Variants in AGMO observed in about 807,000 individuals in gnomAD.
The protein encoded by AGMO is glyceryl-ether monooxygenase.
Under a neutral mutation model 60.2 loss-of-function variants are expected in AGMO, and 75 were observed. The observed-to-expected ratio is 1.25, with a 90% CI of 1.03 to 1.51. The LOEUF is 1.51. Ranked by LOEUF, AGMO falls within the 40% of genes most tolerant of loss-of-function variation. The pLI, the probability that AGMO is intolerant of heterozygous loss-of-function variation, is 0.00. For synonymous variants in AGMO, 261 were observed against 177.1 expected (o/e 1.47, Z -3.76); for missense variants, 763 against 525.5 (o/e 1.45, Z -4.42).
chr7:15,267,528 C>A (rs915353835), intron 12 of AGMO, among the ~76,000 whole-genome samples: 1 of 151,934 alleles, frequency 6.6e-6, no homozygotes, highest in Non-Finnish European at 1.5e-5. Flanking sequence ...CTTATGTTCA[C>A]GACAGTCATT....
chr7:15,409,011 G>A (rs1784773228), intron 5 of AGMO, among the ~76,000 whole-genome samples: 2 of 151,726 alleles, frequency 1.3e-5, no homozygotes, highest in Non-Finnish European at 3.0e-5. Context: ...ATGAATTTGA[G>A]AAATGGAAAA....
chr7:15,482,523 C>A (rs1782786108), intron 3 of AGMO, among the ~76,000 whole-genome samples: 1 of 152,016 alleles, frequency 6.6e-6, no homozygotes, highest in African/African-American at 2.4e-5. Context: ...CAGCCCCATA[C>A]TAAATACCCA....
In AGMO at chr7:15,292,402, C is replaced by T. The variant is rs139264590; in HGVS notation, c.1263+73112G>A. On this transcript the variant is annotated intron_variant, in intron 12 of 12. Transcript: ENST00000342526. The stretch of plus-strand genomic sequence containing the variant: ...CGGTTCTAGTGGGCTGAATGGCTGA[C>T]GCGTTTGGGTGATAAGAGCAAGGAA... Among the ~76,000 whole-genome samples, 18 of 152,172 alleles carry T rather than the reference C, an allele frequency of 1.2e-4. No individual in the cohort carries two copies. In the East Asian group the frequency reaches 1.7e-3, roughly 15 times the overall value.
intron 12 of AGMO, among the ~76,000 whole-genome samples, chr7:15,316,155 T>C (rs568989922): frequency 1.7e-4 from 26 of 152,274 alleles, no homozygotes; most frequent in East Asian, 9.7e-4. Flanking sequence ...CATCTTGGTA[T>C]TGGAGTTGCC....
At chr7:15,334,520 TTTC>T (rs1322847667) in intron 12 of AGMO, among the ~76,000 whole-genome samples, 7 of 152,142 alleles carry the variant, frequency 4.6e-5, no homozygotes, top group African/African-American at 1.7e-4. Flanking sequence ...CAGTAGATTA[TTTC>T]TTCATCAGAA....
chr7:15,513,377 T>C (rs979269426), intron 3 of AGMO, among the ~76,000 whole-genome samples: 1 of 152,232 alleles, frequency 6.6e-6, no homozygotes, highest in Non-Finnish European at 1.5e-5. Context: ...ATTTACAAAC[T>C]CTCTGAGGCT....
At position 15,466,202 on chromosome 7, in the gene AGMO, T is replaced by C. The variant is rs115335316; in HGVS notation, c.410-35094A>G. The stretch of plus-strand genomic sequence containing the variant: ...TTTACTGGGTGCATATCCTTTAATA[T>C]TCATAACAGCTCTATCTTTATTCTG... On this transcript the variant is annotated intron_variant, in intron 3 of 12. Coordinates refer to ENST00000342526, the MANE Select transcript of AGMO (RefSeq NM_001004320.2). Among the ~76,000 whole-genome samples, 734 of 152,276 alleles carry C rather than the reference T, an allele frequency of 4.8e-3. 4 individuals carry two copies. Among genetic ancestry groups the C allele is most frequent in the African/African-American group, 0.017 (709 of 41,568 alleles).
chr7:15,286,930 T>A (rs958319254), intron 12 of AGMO, among the ~76,000 whole-genome samples: 1 of 152,044 alleles, frequency 6.6e-6, no homozygotes. Context: ...GGCAGCAACT[T>A]GGATGGAGCT....
At chr7:15,336,993 C>A in intron 12 of AGMO, among the ~76,000 whole-genome samples, 1 of 152,128 alleles carries the variant, frequency 6.6e-6, no homozygotes, top group East Asian at 1.9e-4. Context: ...CAGTGCCCTC[C>A]CTGGGGGCAC....
chr7:15,521,789 A>G (rs1396762519), intron 3 of AGMO, among the ~76,000 whole-genome samples: 1 of 152,224 alleles, frequency 6.6e-6, no homozygotes, highest in East Asian at 1.9e-4. Flanking sequence ...AACTGGCACA[A>G]GACAAAGATG....
At chr7:15,293,114 A>C (rs188379092) in intron 12 of AGMO, among the ~76,000 whole-genome samples, 75 of 152,214 alleles carry the variant, frequency 4.9e-4, no homozygotes, top group African/African-American at 1.7e-3. Flanking sequence ...ACAAACAATC[A>C]CATATTCATT....
At chr7:15,376,448 G>C (rs926100232) in intron 10 of AGMO, among the ~76,000 whole-genome samples, 1 of 151,890 alleles carries the variant, frequency 6.6e-6, no homozygotes, top group Non-Finnish European at 1.5e-5. Flanking sequence ...CAAAATTGTA[G>C]TGCCCATAAT....
chr7:15,441,071 G>C (rs73682004), intron 3 of AGMO, among the ~76,000 whole-genome samples: 1,797 of 152,274 alleles, frequency 0.012, 38 homozygotes, highest in African/African-American at 0.041. Context: ...TGCATAAAGA[G>C]CTTTTCCTCC....
At chr7:15,381,321 C>G (rs1368921202) in intron 10 of AGMO, among the ~76,000 whole-genome samples, 3 of 151,900 alleles carry the variant, frequency 2.0e-5, no homozygotes, top group African/African-American at 7.3e-5. Context: ...GGAACTTAAA[C>G]ACATTTACAA....
At chr7:15,320,313 G>A (rs895366505) in intron 12 of AGMO, among the ~76,000 whole-genome samples, 4 of 151,510 alleles carry the variant, frequency 2.6e-5, no homozygotes, top group African/African-American at 7.3e-5. Flanking sequence ...GTATCCTAAT[G>A]CAACTGAAGA....
the AGMO span, among the ~76,000 whole-genome samples, chr7:15,171,829 GA>G: frequency 6.6e-6 from 1 of 152,018 alleles, no homozygotes; most frequent in African/African-American, 2.4e-5. Flanking sequence ...AAATTTGGGG[GA>G]AAGATTCATG....
intron 12 of AGMO, among the ~76,000 whole-genome samples, chr7:15,221,063 AAAG>A (rs1436982124): frequency 3.3e-5 from 5 of 152,244 alleles, no homozygotes; most frequent in Non-Finnish European, 4.4e-5. Flanking sequence ...ACCTCCAAGA[AAAG>A]AAGGAGAAAG....
chr7:15,545,461 C>G (rs115927689), intron 2 of AGMO, among the ~76,000 whole-genome samples: 154 of 151,962 alleles, frequency 1.0e-3, no homozygotes, highest in African/African-American at 3.5e-3. Context: ...TCTTCTTCCT[C>G]CTTCCTTTTT....
chr7:15,366,343 C>T (rs1782979296), intron 10 of AGMO, 121 bp from the exon 11 acceptor site: 1 of 585,902 alleles, frequency 1.7e-6, no homozygotes, highest in Non-Finnish European at 3.0e-6. Context: ...GTCATTGACA[C>T]TTTACAGAAA....
Sources: gnomAD v4.1 joint callset for allele counts (sites outside exome capture counted in the v4.1 genomes callset) on GRCh38, gnomAD v4.1.1 for gene constraint, MANE v1.5 for transcripts, NCBI Gene and HGNC (gene_info 2026-07-23, HGNC 2026-07-21) for gene names.